The following KCNMA1 variants were observed in gnomAD, a reference collection of about 807,000 sequenced individuals.
KCNMA1 encodes Calcium-activated potassium channel subunit alpha-1.
Under a neutral mutation model 140.0 loss-of-function variants are expected in KCNMA1, and 29 were observed. The observed-to-expected ratio is 0.21, with a 90% CI of 0.15 to 0.28. KCNMA1 has a LOEUF of 0.28. Ranked by LOEUF, KCNMA1 falls within the 10% of genes least tolerant of loss-of-function variation. KCNMA1 has a pLI of 1.00. For synonymous variants in KCNMA1, 612 were observed against 611.9 expected (o/e 1.00, Z 0.00); for missense variants, 880 against 1,602.2 (o/e 0.55, Z 7.70).
At chr10:77,336,310 C>T (rs1261743311) in intron 2 of KCNMA1, among the ~76,000 whole-genome samples, 1 of 151,826 alleles carries the variant, frequency 6.6e-6, no homozygotes, top group Non-Finnish European at 1.5e-5. Context: ...AACAGATAGG[C>T]TAGAAAGAAG....
intron 1 of KCNMA1, among the ~76,000 whole-genome samples, chr10:77,461,814 T>C (rs2097874888): frequency 6.6e-6 from 1 of 152,274 alleles, no homozygotes; most frequent in Non-Finnish European, 1.5e-5. Flanking sequence ...AGTCTGCCCA[T>C]TGCCCCGGGG....
chr10:77,113,551 C>A (rs1368881417), intron 6 of KCNMA1, among the ~76,000 whole-genome samples: 1 of 152,182 alleles, frequency 6.6e-6, no homozygotes, highest in Non-Finnish European at 1.5e-5. Flanking sequence ...GCAACCTCTG[C>A]CTGCCAGGTT....
chr10:77,629,063 G>A (rs182230892), intron 1 of KCNMA1, among the ~76,000 whole-genome samples: 3 of 152,322 alleles, frequency 2.0e-5, no homozygotes, highest in African/African-American at 7.2e-5. Context: ...TTTTGGCCAC[G>A]TGAAGAAGTA....
intron 1 of KCNMA1, among the ~76,000 whole-genome samples, chr10:77,506,000 A>C (rs926401088): frequency 2.0e-5 from 3 of 152,210 alleles, no homozygotes; most frequent in Non-Finnish European, 4.4e-5. Context: ...TGACTAGAGA[A>C]GGCACCAGGA....
chr10:77,488,047 CATTCAAT>C (rs1275215304), intron 1 of KCNMA1, among the ~76,000 whole-genome samples: 1 of 152,182 alleles, frequency 6.6e-6, no homozygotes, highest in African/African-American at 2.4e-5. Context: ...GGCATATATT[CATTCAAT>C]ATATGCCTAT....
At chr10:77,503,370 T>C (rs1308452843) in intron 1 of KCNMA1, among the ~76,000 whole-genome samples, 2 of 152,272 alleles carry the variant, frequency 1.3e-5, no homozygotes, top group East Asian at 3.9e-4. Flanking sequence ...TGCTCACCTC[T>C]TTCTCCCTAG....
intron 1 of KCNMA1, 81 bp downstream of exon 1, chr10:77,637,168 GAGGCACGGCGCGGCGC>G: frequency 7.8e-7 from 1 of 1,280,084 alleles, no homozygotes. Context: ...GGGATGGAGG[GAGGCACGGCGCGGCGC>G]GGAGCGAGGA....
intron 1 of KCNMA1, among the ~76,000 whole-genome samples, chr10:77,515,918 G>C (rs964006449): frequency 1.9e-4 from 29 of 152,118 alleles, no homozygotes; most frequent in Non-Finnish European, 3.1e-4. Flanking sequence ...CACTAGCAGG[G>C]AGCTCCTCAA....
At chr10:77,084,806 G>T in intron 11 of KCNMA1, 87 bp from the exon 12 acceptor site, 1 of 946,596 alleles carries the variant, frequency 1.1e-6, no homozygotes, top group Non-Finnish European at 1.7e-6. Flanking sequence ...CAGCTTCTTG[G>T]GGAAGCTTTG....
intron 2 of KCNMA1, among the ~76,000 whole-genome samples, chr10:77,327,722 G>A (rs1432854414): frequency 6.6e-6 from 1 of 151,926 alleles, no homozygotes; most frequent in East Asian, 1.9e-4. Flanking sequence ...CCACTGTAAG[G>A]TAGGACTGCC....
intron 5 of KCNMA1, among the ~76,000 whole-genome samples, chr10:77,146,738 AG>A (rs2098307037): frequency 3.6e-5 from 5 of 137,462 alleles, no homozygotes; most frequent in East Asian, 2.8e-4. Context: ...AAAGAAAGAA[AG>A]AAGGAAAGAA....
At chr10:77,360,816 G>A (rs761531913) in intron 2 of KCNMA1, among the ~76,000 whole-genome samples, 37 of 152,106 alleles carry the variant, frequency 2.4e-4, no homozygotes, top group Admixed American at 9.2e-4. Flanking sequence ...AGCAGCAGTC[G>A]GAATCTCTGC....
intron 23 of KCNMA1, among the ~76,000 whole-genome samples, chr10:76,915,408 T>C (rs901190952): frequency 6.6e-6 from 1 of 152,072 alleles, no homozygotes; most frequent in Non-Finnish European, 1.5e-5. Flanking sequence ...CTCTGGCCCA[T>C]GAAAAGTGAG....
intron 1 of KCNMA1, among the ~76,000 whole-genome samples, chr10:77,466,751 T>C (rs796173654): frequency 1.2e-4 from 18 of 152,266 alleles, no homozygotes; most frequent in African/African-American, 3.4e-4. Flanking sequence ...AAGCCTCCTG[T>C]GCAGGACATT....
chr10:77,151,226 T>C (rs1310355276), intron 5 of KCNMA1, among the ~76,000 whole-genome samples: 1 of 151,490 alleles, frequency 6.6e-6, no homozygotes, highest in Non-Finnish European at 1.5e-5. Context: ...CTTTCCTTCT[T>C]TCTTTCTCTT....
intron 2 of KCNMA1, among the ~76,000 whole-genome samples, chr10:77,363,027 T>C (rs2094105765): frequency 6.6e-6 from 1 of 152,212 alleles, no homozygotes; most frequent in South Asian, 2.1e-4. Flanking sequence ...AGAGCCAAGA[T>C]CGTTAGCCCT....
intron 19 of KCNMA1, among the ~76,000 whole-genome samples, chr10:76,977,977 T>C (rs906989815): frequency 6.6e-6 from 1 of 152,206 alleles, no homozygotes; most frequent in Non-Finnish European, 1.5e-5. Context: ...AGACTAGATA[T>C]GTTGAAAATA....
intron 1 of KCNMA1, among the ~76,000 whole-genome samples, chr10:77,477,151 C>A (rs539882698): frequency 6.6e-6 from 1 of 152,254 alleles, no homozygotes; most frequent in Admixed American, 6.5e-5. Context: ...ATAATACCAA[C>A]TTCGTGGATC....
At chr10:77,267,453 T>C (rs1466881421) in intron 2 of KCNMA1, among the ~76,000 whole-genome samples, 1 of 152,202 alleles carries the variant, frequency 6.6e-6, no homozygotes, top group Admixed American at 6.5e-5. Flanking sequence ...CAAAGCTCCT[T>C]CCTGAATTGG....
Sources: allele counts gnomAD v4.1 joint callset (sites outside exome capture counted in the v4.1 genomes callset), GRCh38; gene constraint gnomAD v4.1.1; transcripts MANE v1.5; gene names NCBI Gene and HGNC (gene_info 2026-07-23, HGNC 2026-07-21).